Variants in TACC1 observed in about 807,000 individuals in gnomAD.
The protein encoded by TACC1 is transforming acidic coiled-coil-containing protein 1.
Under a neutral mutation model 84.4 loss-of-function variants are expected in TACC1, and 48 were observed. The observed-to-expected ratio is 0.57, with a 90% CI of 0.45 to 0.72. The LOEUF is 0.72. Among genes scored for constraint, TACC1 ranks in the 30% least tolerant of loss-of-function variants. The pLI is 0.00. For synonymous variants in TACC1, 372 were observed against 376.3 expected (o/e 0.99, Z 0.13); for missense variants, 920 against 973.0 (o/e 0.95, Z 0.72).
intron 2 of TACC1, among the ~76,000 whole-genome samples, chr8:38,807,907 G>A (rs1823142054): frequency 6.6e-6 from 1 of 152,170 alleles, no homozygotes; most frequent in Admixed American, 6.5e-5. Flanking sequence ...TCTTTATCCT[G>A]AATAAGCATA....
At chr8:38,741,597 G>C (rs1415376218) in intron 1 of TACC1, among the ~76,000 whole-genome samples, 1 of 152,120 alleles carries the variant, frequency 6.6e-6, no homozygotes, top group African/African-American at 2.4e-5. Context: ...TCATTTCTCA[G>C]TGGAATGACT....
chr8:38,765,386 C>T (rs752265172), intron 3 of TACC1, among the ~76,000 whole-genome samples: 4 of 152,066 alleles, frequency 2.6e-5, no homozygotes, highest in Non-Finnish European at 5.9e-5. Context: ...CCTTTTTCTC[C>T]CAAGAAAGCC....
chr8:38,780,566 A>G (rs567332343), intron 3 of TACC1, among the ~76,000 whole-genome samples: 1 of 151,172 alleles, frequency 6.6e-6, no homozygotes, highest in African/African-American at 2.4e-5. Context: ...TTTTGCATAA[A>G]TGTGTCTCAA....
chr8:38,804,795 G>A (rs937842514), intron 2 of TACC1, among the ~76,000 whole-genome samples: 3 of 152,096 alleles, frequency 2.0e-5, no homozygotes, highest in African/African-American at 4.8e-5. Context: ...TAGAATCAGG[G>A]TCTCCCTGTG....
intron 8 of TACC1, among the ~76,000 whole-genome samples, chr8:38,839,086 G>A (rs950789637): frequency 2.0e-5 from 3 of 151,928 alleles, no homozygotes; most frequent in South Asian, 2.1e-4. Flanking sequence ...ATGAGGTCTC[G>A]CTCTGTTGCC....
At chr8:38,750,833 C>A (rs1037460977) in intron 3 of TACC1, among the ~76,000 whole-genome samples, 3 of 152,120 alleles carry the variant, frequency 2.0e-5, no homozygotes, top group Non-Finnish European at 4.4e-5. Context: ...GATTCAAAGT[C>A]TCAATATTGT....
intron 1 of TACC1, among the ~76,000 whole-genome samples, chr8:38,737,373 A>G (rs1227731304): frequency 1.3e-5 from 2 of 152,242 alleles, no homozygotes; most frequent in African/African-American, 4.8e-5. Context: ...CACTGGGGAC[A>G]GTGGCTTCGC....
intron 3 of TACC1, among the ~76,000 whole-genome samples, chr8:38,755,223 C>A (rs1433572726): frequency 6.7e-6 from 1 of 149,306 alleles, no homozygotes; most frequent in East Asian, 2.0e-4. Flanking sequence ...TTTTCTGATT[C>A]TTTCTGGAAC....
chr8:38,742,463 C>G (rs1807256599), intron 2 of TACC1: 1 of 1,525,198 alleles, frequency 6.6e-7, no homozygotes, highest in African/African-American at 1.4e-5. Context: ...TAATTCTTTT[C>G]TTTGACATTG....
chr8:38,742,277 A>C, intron 1 of TACC1: 1 of 569,760 alleles, frequency 1.8e-6, no homozygotes, highest in Non-Finnish European at 2.7e-6. Context: ...CTTAGGCAAA[A>C]GGTTGGAAAC....
At position 38,848,121 on chromosome 8, in the gene TACC1, G is replaced by GAAAAA; in HGVS notation, c.*105_*109dup. The GAAAAA allele has an allele frequency of 1.0e-6, 1 of 974,134 alleles. No individual in the cohort carries two copies. Among genetic ancestry groups the GAAAAA allele is most frequent in the South Asian group, 1.9e-5 (1 of 51,826 alleles). 60.3% of individuals were successfully genotyped at this position (974,134 alleles called of 1,614,324 possible). ...CCAGGAATAATTGCCCCTTTGCAGA[G>GAAAAA]AAAAAAAAAAACTTAAAAAAAGCAC... is the stretch of plus-strand genomic sequence containing the variant. On this transcript the variant is annotated 3_prime_UTR_variant, in exon 13 of 13. Coordinates refer to ENST00000317827, the MANE Select transcript of TACC1 (RefSeq NM_006283.3).
intron 1 of TACC1, among the ~76,000 whole-genome samples, chr8:38,741,772 CAA>C (rs1213679714): frequency 3.9e-5 from 6 of 152,092 alleles, no homozygotes; most frequent in Non-Finnish European, 4.4e-5. Context: ...CAAAAAAATA[CAA>C]AGAGTCAATA....
At chr8:38,822,869 C>T (rs546603838) in intron 3 of TACC1, among the ~76,000 whole-genome samples, 6 of 152,280 alleles carry the variant, frequency 3.9e-5, no homozygotes, top group South Asian at 2.1e-4. Context: ...GGACCACCAT[C>T]GTATGCATGA....
rs1458939153 is a variant in TACC1, at chr8:38,851,878, TC to T, written c.*3857del. The T allele has an allele frequency of 4.4e-6, 2 of 454,760 alleles. No individual in the cohort carries two copies. The highest frequency in any genetic ancestry group is 4.0e-5 in the African/African-American group (2 of 50,042). 28.2% of individuals were successfully genotyped at this position (454,760 alleles called of 1,614,324 possible). ...CAAGCCAAAGGTCTAAGAAGTCATC[TC>T]CTTCAAATACTTTAATAAAGAAGTA... On this transcript the variant is annotated 3_prime_UTR_variant, in exon 13 of 13. Transcript: ENST00000317827.
intron 2 of TACC1, among the ~76,000 whole-genome samples, chr8:38,818,217 C>T (rs527563489): frequency 3.9e-5 from 6 of 152,264 alleles, no homozygotes; most frequent in Non-Finnish European, 7.3e-5. Flanking sequence ...GCCTGGGTAA[C>T]AGAGACACTG....
chr8:38,800,758 T>C (rs771407221), intron 2 of TACC1, among the ~76,000 whole-genome samples: 1 of 152,382 alleles, frequency 6.6e-6, no homozygotes, highest in African/African-American at 2.4e-5. Flanking sequence ...TTCTCGGGTA[T>C]ATAACTAGGA....
chr8:38,778,183 C>T (rs1341550611), intron 3 of TACC1, among the ~76,000 whole-genome samples: 2 of 151,982 alleles, frequency 1.3e-5, no homozygotes, highest in Non-Finnish European at 2.9e-5. Flanking sequence ...TGGGCTCAAG[C>T]GATCCTCCTG....
intron 1 of TACC1, chr8:38,788,271 G>C (rs915021170): frequency 2.3e-5 from 4 of 171,338 alleles, no homozygotes; most frequent in African/African-American, 9.6e-5. Flanking sequence ...TCTTAGCCTC[G>C]GGCCCAGGGA....
At chr8:38,823,843 C>T (rs959136804) in intron 3 of TACC1, 17 of 480,234 alleles carry the variant, frequency 3.5e-5, no homozygotes, top group Middle Eastern at 7.3e-4. Flanking sequence ...TTCATGAATA[C>T]GACATTTTTA....
Sources: gnomAD v4.1 joint callset for allele counts (sites outside exome capture counted in the v4.1 genomes callset) on GRCh38, gnomAD v4.1.1 for gene constraint, MANE v1.5 for transcripts, NCBI Gene and HGNC (gene_info 2026-07-23, HGNC 2026-07-21) for gene names.